CLOCK: variants seen among roughly 807,000 people sequenced by gnomAD.
CLOCK encodes the protein circadian locomoter output cycles protein kaput.
CLOCK carries 43 observed loss-of-function variants against 118.4 expected under a neutral mutation model. The observed-to-expected ratio is 0.36, with a 90% CI of 0.28 to 0.47. The LOEUF (loss-of-function observed/expected upper bound fraction) is 0.47, where lower values mean the gene tolerates loss of function less well. Ranked by LOEUF, CLOCK falls within the 20% of genes least tolerant of loss-of-function variation. The pLI, the probability that CLOCK is intolerant of heterozygous loss-of-function variation, is 1.00. For missense variants in CLOCK, 846 were observed against 999.9 expected (o/e 0.85, Z 2.08); for synonymous variants, 326 against 339.2 (o/e 0.96, Z 0.43).
intron 7 of CLOCK, among the ~76,000 whole-genome samples, chr4:55,472,255 A>C (rs763334338): frequency 5.3e-5 from 8 of 152,232 alleles, no homozygotes; most frequent in Non-Finnish European, 8.8e-5. Flanking sequence ...AAGTTATGTT[A>C]ACAGGAAGGC....
At chr4:55,530,485 A>ACATT (rs1441843097) in intron 1 of CLOCK, among the ~76,000 whole-genome samples, 18 of 152,182 alleles carry the variant, frequency 1.2e-4, no homozygotes, top group African/African-American at 4.1e-4. Context: ...AATTTAAAAT[A>ACATT]CATTCAAAGC....
intron 4 of CLOCK, among the ~76,000 whole-genome samples, chr4:55,480,025 C>T (rs1726808382): frequency 6.6e-6 from 1 of 152,030 alleles, no homozygotes; most frequent in African/African-American, 2.4e-5. Flanking sequence ...TCAGTGTTTG[C>T]CATTATATAA....
At chr4:55,450,633 T>C (rs558996068) in intron 15 of CLOCK, among the ~76,000 whole-genome samples, 34 of 152,200 alleles carry the variant, frequency 2.2e-4, no homozygotes, top group Admixed American at 8.5e-4. Flanking sequence ...CCAGGCATGA[T>C]GGCAGATGCC....
At position 55,450,231 on chromosome 4, in the gene CLOCK, C is replaced by A. The variant is rs766811039; in HGVS notation, c.1208G>T (p.Ser403Ile). ...ESLPETAADKSQDSGSDNRIN... is the reference protein window; with the variant it reads ...ESLPETAADKIQDSGSDNRIN... Reference sequence around the variant, plus strand: ...ACGATTATCTGACCCAGAATCTTGGCTCTATGGAGACAGAGTAAAATAAAT... The same window carrying A: ...ACGATTATCTGACCCAGAATCTTGGATCTATGGAGACAGAGTAAAATAAAT... The change falls in exon 16 of 23, where the codon AGC becomes ATC. Residue 403 changes from serine to isoleucine, a missense_variant and splice_region_variant. Physicochemically the swap from Ser to Ile is moderately radical, Grantham distance 142. This residue lies in a region of CLOCK where 520 missense variants were observed against 558.0 expected (regional missense o/e 0.93). Transcript: ENST00000513440. 1 of 1,613,918 alleles carries A rather than the reference C, an allele frequency of 6.2e-7. No individual in the cohort carries two copies. Among genetic ancestry groups the A allele is most frequent in the Non-Finnish European group, 8.5e-7 (1 of 1,179,910 alleles).
intron 1 of CLOCK, among the ~76,000 whole-genome samples, chr4:55,538,067 GA>G (rs1185719344): frequency 6.6e-6 from 1 of 152,128 alleles, no homozygotes; most frequent in Middle Eastern, 3.2e-3. Flanking sequence ...AAGGGGAGCA[GA>G]GACAAATTAC....
At chr4:55,455,018 C>A (rs187103570) in intron 13 of CLOCK, among the ~76,000 whole-genome samples, 92 of 152,198 alleles carry the variant, frequency 6.0e-4, no homozygotes, top group African/African-American at 2.1e-3. Flanking sequence ...AATGACTTTA[C>A]TCTGAAAATT....
At chr4:55,545,266 C>T (rs1731538075) in intron 1 of CLOCK, among the ~76,000 whole-genome samples, 1 of 152,074 alleles carries the variant, frequency 6.6e-6, no homozygotes, top group African/African-American at 2.4e-5. Context: ...AATTTCCTTC[C>T]CCCAAGCTTT....
intron 1 of CLOCK, among the ~76,000 whole-genome samples, chr4:55,513,699 T>C (rs909826462): frequency 6.6e-6 from 1 of 152,170 alleles, no homozygotes; most frequent in African/African-American, 2.4e-5. Context: ...AACTGCAATT[T>C]TGACTAGAAT....
At chr4:55,503,172 C>T (rs1031690417) in intron 2 of CLOCK, among the ~76,000 whole-genome samples, 5 of 152,214 alleles carry the variant, frequency 3.3e-5, no homozygotes, top group Non-Finnish European at 7.3e-5. Flanking sequence ...AATGTGTACA[C>T]ATGTGGACCA....
At chr4:55,486,932 T>C (rs1274271828) in intron 3 of CLOCK, among the ~76,000 whole-genome samples, 1 of 152,208 alleles carries the variant, frequency 6.6e-6, no homozygotes, top group East Asian at 1.9e-4. Flanking sequence ...ATTCTTTGTT[T>C]TTCCCCTCTG....
intron 1 of CLOCK, among the ~76,000 whole-genome samples, chr4:55,542,920 G>A (rs1731377772): frequency 6.6e-6 from 1 of 152,070 alleles, no homozygotes; most frequent in Non-Finnish European, 1.5e-5. Context: ...ACTCTAAAGA[G>A]TCCTATAAAA....
intron 1 of CLOCK, among the ~76,000 whole-genome samples, chr4:55,522,463 G>C (rs546451803): frequency 6.9e-4 from 102 of 147,838 alleles, no homozygotes; most frequent in Non-Finnish European, 1.2e-3. Context: ...AAGAAAAAAA[G>C]ATAAACAAAA....
chr4:55,454,352 C>T (rs1004529697), intron 13 of CLOCK, among the ~76,000 whole-genome samples: 6 of 151,924 alleles, frequency 3.9e-5, no homozygotes, highest in Admixed American at 6.6e-5. Context: ...TGGTGGCTCA[C>T]GCCTGTAATC....
intron 16 of CLOCK, 90 bp downstream of exon 16, chr4:55,450,001 A>G: frequency 6.9e-7 from 1 of 1,455,736 alleles, no homozygotes; most frequent in South Asian, 1.2e-5. Flanking sequence ...ATAATTTTAA[A>G]GAAGCGTTTG....
intron 2 of CLOCK, among the ~76,000 whole-genome samples, chr4:55,507,234 G>A (rs1728867135): frequency 6.6e-6 from 1 of 152,100 alleles, no homozygotes; most frequent in South Asian, 2.1e-4. Flanking sequence ...ACGATCGCTT[G>A]AGCCTGGGAG....
chr4:55,479,675 C>T lies in CLOCK; in HGVS notation c.72G>A (p.Gly24=). ...VDRDDSSIFD[G]LVEEDDKDKA... ...TGTCCTTGTCATCTTCTTCCACCAA[C>T]CCATCAAAAATACTACTGTCATCTC... The change falls in exon 5 of 23, where the codon GGG becomes GGA. Residue 24 remains glycine (G), a synonymous_variant. Transcript: ENST00000513440. 6.2e-7 allele frequency: 1 copy of T among 1,612,836 alleles called. No individual in the cohort carries two copies.
intron 8 of CLOCK, among the ~76,000 whole-genome samples, chr4:55,466,914 T>C (rs1168266414): frequency 2.0e-5 from 3 of 152,230 alleles, no homozygotes; most frequent in African/African-American, 7.2e-5. Flanking sequence ...TTTACTTATA[T>C]GACATAAATC....
In CLOCK at chr4:55,442,603, T is replaced by G; in HGVS notation, c.1934A>C (p.Gln645Pro). 1 of 1,613,082 alleles carries G rather than the reference T, an allele frequency of 6.2e-7. No individual in the cohort carries two copies. Among genetic ancestry groups the G allele is most frequent in the Non-Finnish European group, 8.5e-7 (1 of 1,179,860 alleles). The change falls in exon 21 of 23, where the codon CAG (glutamine) becomes CCG (proline). Residue 645 changes from glutamine to proline, a missense_variant. Gln to Pro is a moderately conservative substitution (Grantham distance 76, BLOSUM62 -1). This residue lies in a region of CLOCK where 520 missense variants were observed against 558.0 expected (regional missense o/e 0.93). Transcript: ENST00000513440. ...SQQNVLSGHSQQTSLPSQTQS... is the reference protein window; with the variant it reads ...SQQNVLSGHSPQTSLPSQTQS... ...TGTCTGACTGGGTAGAGATGTTTGC[T>G]GACTGTGCCCACTCAGTACATTTTG...
chr4:55,539,496 C>T (rs533960879), intron 1 of CLOCK, among the ~76,000 whole-genome samples: 7 of 135,924 alleles, frequency 5.1e-5, no homozygotes, highest in African/African-American at 8.0e-5. Context: ...TTGCCTGAGC[C>T]CAAAAGGTTG....
Sources: gnomAD v4.1 joint callset for allele counts (sites outside exome capture counted in the v4.1 genomes callset) on GRCh38, gnomAD v4.1.1 for gene constraint, gnomAD v4.1.1 regional missense constraint, MANE v1.5 for transcripts, NCBI Gene and HGNC (gene_info 2026-07-23, HGNC 2026-07-21) for gene names.